DAOA: variants seen among roughly 807,000 people sequenced by gnomAD.
The protein encoded by DAOA is D-amino acid oxidase regulator.
In DAOA, 15 loss-of-function variants were observed where a neutral mutation model predicts 16.4. The ratio of observed to expected loss-of-function variants is 0.91; its 90% CI spans 0.61 to 1.41. The LOEUF (loss-of-function observed/expected upper bound fraction) is 1.41, where lower values mean the gene tolerates loss of function less well. Ranked by LOEUF, DAOA falls within the 40% of genes most tolerant of loss-of-function variation. The pLI, the probability that DAOA is intolerant of heterozygous loss-of-function variation, is 0.00. For missense variants in DAOA, 230 were observed against 176.8 expected, an observed-to-expected ratio of 1.30 and a Z score of -1.71; for synonymous variants, 75 against 59.1, an observed-to-expected ratio of 1.27 and a Z score of -1.23.
intron 4 of DAOA, among the ~76,000 whole-genome samples, chr13:105,483,386 ATAG>A (rs1217681108): frequency 6.6e-6 from 1 of 152,206 alleles, no homozygotes; most frequent in African/African-American, 2.4e-5. Flanking sequence ...AATAGATCTA[ATAG>A]TAGTTGGATA....
chr13:105,487,606 G>A (rs1300976024), intron 4 of DAOA, among the ~76,000 whole-genome samples: 1 of 149,950 alleles, frequency 6.7e-6, no homozygotes, highest in Non-Finnish European at 1.5e-5. Context: ...AAAAAAAACG[G>A]TTTGCAAGAA....
chr13:105,479,596 T>C (rs80123214), intron 4 of DAOA, among the ~76,000 whole-genome samples: 4,334 of 152,218 alleles, frequency 0.028, 79 homozygotes, highest in African/African-American at 0.038. Context: ...TCTACCTCTG[T>C]CTTCACATGG....
chr13:105,489,666 C>A, intron 4 of DAOA: 1 of 923,750 alleles, frequency 1.1e-6, no homozygotes, highest in Non-Finnish European at 1.6e-6. Flanking sequence ...TATGCTTTTT[C>A]ACAGTCTTTC....
chr13:105,475,462 C>T (rs1319696133), intron 4 of DAOA, among the ~76,000 whole-genome samples: 2 of 152,088 alleles, frequency 1.3e-5, no homozygotes, highest in Non-Finnish European at 1.5e-5. Flanking sequence ...GAAGCTTTTG[C>T]AGTGTTGGTG....
At chr13:105,470,980 G>A (rs1460914377) in intron 3 of DAOA, among the ~76,000 whole-genome samples, 1 of 152,042 alleles carries the variant, frequency 6.6e-6, no homozygotes, top group Non-Finnish European at 1.5e-5. Context: ...AGTACAGATG[G>A]GGTTTCATCG....
intron 4 of DAOA, among the ~76,000 whole-genome samples, chr13:105,486,190 T>A (rs1419173806): frequency 6.6e-6 from 1 of 152,108 alleles, no homozygotes; most frequent in Non-Finnish European, 1.5e-5. Flanking sequence ...TAAAACATGA[T>A]CTAAATGGAC....
intron 4 of DAOA, among the ~76,000 whole-genome samples, chr13:105,482,167 C>T (rs148744569): frequency 1.3e-5 from 2 of 152,210 alleles, no homozygotes; most frequent in Non-Finnish European, 2.9e-5. Context: ...TCCCATGATA[C>T]GTGGGATTGT....
chr13:105,483,456 A>G (rs986982578), intron 4 of DAOA, among the ~76,000 whole-genome samples: 3 of 152,188 alleles, frequency 2.0e-5, no homozygotes, highest in Non-Finnish European at 4.4e-5. Context: ...TAATTTAACC[A>G]TTTTGCATTC....
chr13:105,471,007 C>G (rs1876909374), intron 3 of DAOA, among the ~76,000 whole-genome samples: 1 of 152,116 alleles, frequency 6.6e-6, no homozygotes. Flanking sequence ...CCATGATGGT[C>G]TTGATCTCCT....
intron 3 of DAOA, among the ~76,000 whole-genome samples, chr13:105,470,934 G>C (rs574764590): frequency 6.6e-6 from 1 of 152,232 alleles, no homozygotes; most frequent in East Asian, 1.9e-4. Context: ...GGGACTACAG[G>C]CGCCCACCAC....
intron 4 of DAOA, among the ~76,000 whole-genome samples, chr13:105,473,760 T>A (rs1416056995): frequency 6.6e-6 from 1 of 152,098 alleles, no homozygotes. Flanking sequence ...AGTTTATCGG[T>A]GTGAAGCAAA....
chr13:105,487,642 A>G (rs998027374), intron 4 of DAOA, among the ~76,000 whole-genome samples: 2 of 152,124 alleles, frequency 1.3e-5, no homozygotes, highest in African/African-American at 2.4e-5. Context: ...GAGGGAATAG[A>G]GTAAATAATC....
chr13:105,472,789 C>A, intron 4 of DAOA, 104 bp downstream of exon 4: 1 of 1,011,666 alleles, frequency 9.9e-7, no homozygotes, highest in Non-Finnish European at 1.4e-6. Context: ...TTAGATTATA[C>A]TTCATGTTGA....
At position 105,490,056 on chromosome 13, in the gene DAOA, A is replaced by G; in HGVS notation, c.437A>G (p.Glu146Gly). 6.3e-7 allele frequency: 1 copy of G among 1,577,614 alleles called. No homozygotes were observed. The highest frequency in any genetic ancestry group is 1.7e-4 in the Middle Eastern group (1 of 6,012). The change falls in exon 5 of 6, where the codon GAA becomes GGA. Residue 146 changes from glutamate (E) to glycine (G), a missense_variant. Coordinates refer to ENST00000375936, the MANE Select transcript of DAOA (RefSeq NM_172370.5). ...AAAGACCAGTCATGCAACCACAAGGAAATAACTTCTACCAAAGCTGAATGA... is the reference window on the plus strand; with the variant it reads ...AAAGACCAGTCATGCAACCACAAGGGAATAACTTCTACCAAAGCTGAATGA... ...QQKDQSCNHK[E>G]ITSTKAE
intron 4 of DAOA, among the ~76,000 whole-genome samples, chr13:105,474,271 T>C (rs1377007364): frequency 6.6e-6 from 1 of 152,072 alleles, no homozygotes; most frequent in Non-Finnish European, 1.5e-5. Context: ...AGGCATCACA[T>C]AGGAAGACAG....
At chr13:105,466,865 A>T in intron 2 of DAOA, 188 bp from the exon 3 acceptor site, 1 of 737,966 alleles carries the variant, frequency 1.4e-6, no homozygotes, top group Non-Finnish European at 1.8e-6. Flanking sequence ...TAAAAAAAAA[A>T]TGCAAACCTC....
At chr13:105,474,955 C>G (rs546123328) in intron 4 of DAOA, 19 of 915,284 alleles carry the variant, frequency 2.1e-5, no homozygotes, top group Non-Finnish European at 2.4e-5. Flanking sequence ...TCTGAACGAA[C>G]ATTCACCTCA....
intron 4 of DAOA, among the ~76,000 whole-genome samples, chr13:105,473,615 C>A (rs185863340): frequency 6.6e-6 from 1 of 152,178 alleles, no homozygotes; most frequent in Non-Finnish European, 1.5e-5. Context: ...TATAGCCAAG[C>A]AGCTAGAAAA....
At chr13:105,466,486 T>G in intron 2 of DAOA, 154 bp downstream of exon 2, 1 of 1,258,326 alleles carries the variant, frequency 7.9e-7, no homozygotes, top group Non-Finnish European at 1.1e-6. Context: ...TCAGCCTTAC[T>G]TTCTCCCATA....
Sources: allele counts gnomAD v4.1 joint callset (sites outside exome capture counted in the v4.1 genomes callset), GRCh38; gene constraint gnomAD v4.1.1; transcripts MANE v1.5; gene names NCBI Gene and HGNC (gene_info 2026-07-23, HGNC 2026-07-21).